GNAL: variants seen among roughly 807,000 people sequenced by gnomAD.
The protein encoded by GNAL is G protein subunit alpha L.
GNAL carries 18 observed loss-of-function variants against 55.1 expected under a neutral mutation model. That is an observed-to-expected ratio of 0.33 (90% CI 0.23 to 0.48). The LOEUF (loss-of-function observed/expected upper bound fraction) is 0.48. GNAL is among the 20% of genes least tolerant of loss of function. GNAL has a pLI of 0.99. For missense variants in GNAL, 412 were observed against 614.1 expected, an observed-to-expected ratio of 0.67 and a Z score of 3.48; for synonymous variants, 253 against 237.0, an observed-to-expected ratio of 1.07 and a Z score of -0.62.
rs2036667977 is a variant in GNAL, at chr18:11,880,848, A to G, written c.1231-141A>G. On this transcript the variant is annotated intron_variant, in intron 11 of 11. Transcript: ENST00000334049. ...CTCGGCCGATGCTTGCATTGAGACC[A>G]TTCCTGCCTCTAAGTGCTCCCATGC... 9.9e-6 allele frequency: 8 copies of G among 805,924 alleles called. No individual in the cohort carries two copies. The South Asian group carries it at 1.4e-4, about 14-fold the overall frequency. 49.9% of individuals were successfully genotyped at this position (805,924 alleles called of 1,614,324 possible). A position where few individuals can be genotyped will look rare whatever the true frequency, so the allele number is the denominator to read the frequency against.
At position 11,867,298 on chromosome 18, in the gene GNAL, C is replaced by T. The variant is rs2855646; in HGVS notation, c.910+72C>T. 203,001 of 901,626 alleles carry T rather than the reference C, an allele frequency of 0.23. 25,257 individuals are homozygous for T. Among genetic ancestry groups the T allele is most frequent in the African/African-American group, 0.4 (24,463 of 60,512 alleles). The allele number at this position is 901,626 out of a possible 1,614,324, so 55.9% of individuals were successfully genotyped here. On this transcript the variant is annotated intron_variant, in intron 8 of 11. Transcript: ENST00000334049. The stretch of plus-strand genomic sequence containing the variant: ...CTCAGCACTGCTGTGCTTAACTATT[C>T]TTGAATTAGATAATCTCTAACTAAT...
At chr18:11,843,914 A>G (rs564017415) in intron 5 of GNAL, among the ~76,000 whole-genome samples, 42 of 152,132 alleles carry the variant, frequency 2.8e-4, no homozygotes, top group African/African-American at 1.0e-3. Flanking sequence ...CAGAGGTTTC[A>G]GTGAGCCGAG....
intron 4 of GNAL, among the ~76,000 whole-genome samples, chr18:11,799,597 G>A (rs1189626590): frequency 6.6e-6 from 1 of 151,990 alleles, no homozygotes; most frequent in Non-Finnish European, 1.5e-5. Context: ...TGTTCTGAGC[G>A]CTTACATGAC....
intron 1 of GNAL, among the ~76,000 whole-genome samples, chr18:11,744,401 G>A (rs932067756): frequency 7.9e-5 from 12 of 151,982 alleles, no homozygotes; most frequent in Admixed American, 2.6e-4. Flanking sequence ...TCTAAAAATC[G>A]TTAAAATTTT....
intron 4 of GNAL, among the ~76,000 whole-genome samples, chr18:11,756,861 A>G: frequency 6.6e-6 from 1 of 152,198 alleles, no homozygotes; most frequent in African/African-American, 2.4e-5. Flanking sequence ...TTTAATAGTA[A>G]ACAAAACACT....
chr18:11,782,895 C>T (rs1598453563), intron 4 of GNAL, among the ~76,000 whole-genome samples: 4 of 152,284 alleles, frequency 2.6e-5, no homozygotes, highest in South Asian at 2.1e-4. Flanking sequence ...TAAAGAGAAT[C>T]ATAAATCTTA....
intron 5 of GNAL, among the ~76,000 whole-genome samples, chr18:11,848,758 A>G (rs1377424592): frequency 6.6e-6 from 1 of 151,018 alleles, no homozygotes; most frequent in Non-Finnish European, 1.5e-5. Flanking sequence ...TGCCCAGTCA[A>G]CAACCACACT....
intron 5 of GNAL, among the ~76,000 whole-genome samples, chr18:11,834,262 C>T (rs2035452547): frequency 6.6e-6 from 1 of 152,160 alleles, no homozygotes; most frequent in African/African-American, 2.4e-5. Context: ...GACTCAACAT[C>T]CAGCTTATTC....
At chr18:11,872,634 A>G (rs534276741) in intron 10 of GNAL, among the ~76,000 whole-genome samples, 2 of 152,314 alleles carry the variant, frequency 1.3e-5, no homozygotes, top group African/African-American at 2.4e-5. Context: ...CAGCAGAAGA[A>G]AGAGCCATTT....
At chr18:11,870,385 G>T (rs940578901) in intron 9 of GNAL, among the ~76,000 whole-genome samples, 4 of 152,244 alleles carry the variant, frequency 2.6e-5, no homozygotes, top group Middle Eastern at 3.4e-3. Context: ...GCCAGGAGTG[G>T]TGGTGGGCGC....
intron 5 of GNAL, among the ~76,000 whole-genome samples, chr18:11,826,720 G>C (rs180833307): frequency 7.0e-4 from 107 of 152,280 alleles, no homozygotes; most frequent in African/African-American, 2.4e-3. Flanking sequence ...TTACTGCAAA[G>C]GGGACATCTA....
intron 4 of GNAL, among the ~76,000 whole-genome samples, chr18:11,798,286 A>G (rs985020587): frequency 5.9e-5 from 9 of 152,236 alleles, no homozygotes; most frequent in Non-Finnish European, 7.3e-5. Context: ...TTAAAAAGTT[A>G]ATTTGTAAAA....
intron 1 of GNAL, among the ~76,000 whole-genome samples, chr18:11,728,816 A>G (rs750503346): frequency 6.6e-6 from 1 of 152,184 alleles, no homozygotes; most frequent in Non-Finnish European, 1.5e-5. Flanking sequence ...GATGAGTTTT[A>G]TATTGTGTAA....
chr18:11,822,653 C>G (rs190300159), intron 4 of GNAL, among the ~76,000 whole-genome samples: 1 of 152,262 alleles, frequency 6.6e-6, no homozygotes, highest in Non-Finnish European at 1.5e-5. Flanking sequence ...TCTCAACCCT[C>G]TCACTGACCT....
intron 10 of GNAL, among the ~76,000 whole-genome samples, chr18:11,873,259 G>A (rs1038708965): frequency 1.9e-4 from 29 of 152,280 alleles, no homozygotes; most frequent in African/African-American, 6.0e-4. Flanking sequence ...TCAATGAAGA[G>A]GGAAAAGAAA....
intron 4 of GNAL, among the ~76,000 whole-genome samples, chr18:11,758,847 G>A (rs1420618014): frequency 2.0e-5 from 3 of 152,196 alleles, no homozygotes; most frequent in Non-Finnish European, 2.9e-5. Context: ...AAGTGATTAT[G>A]CCAAAACATA....
intron 4 of GNAL, among the ~76,000 whole-genome samples, chr18:11,791,548 G>T (rs370803480): frequency 6.6e-6 from 1 of 152,134 alleles, no homozygotes; most frequent in Non-Finnish European, 1.5e-5. Context: ...CTTTTAAAGT[G>T]GGGGAGGAAC....
At chr18:11,852,581 T>A (rs1196925930) in intron 5 of GNAL, 1 of 164,842 alleles carries the variant, frequency 6.1e-6, no homozygotes, top group Non-Finnish European at 1.4e-5. Context: ...TGGACTGTGC[T>A]ATTTCTGTTT....
intron 4 of GNAL, among the ~76,000 whole-genome samples, chr18:11,786,091 A>G (rs2034048425): frequency 6.6e-6 from 1 of 152,184 alleles, no homozygotes; most frequent in Non-Finnish European, 1.5e-5. Context: ...GGGGAAGTTT[A>G]TCCTGTCGGC....
Sources: gnomAD v4.1 joint callset for allele counts (sites outside exome capture counted in the v4.1 genomes callset) on GRCh38, gnomAD v4.1.1 for gene constraint, MANE v1.5 for transcripts, NCBI Gene and HGNC (gene_info 2026-07-23, HGNC 2026-07-21) for gene names.